The following CADM2 variants were observed in gnomAD, a reference collection of about 807,000 sequenced individuals.
CADM2 encodes the protein cell adhesion molecule 2.
In CADM2, 12 loss-of-function variants were observed where a neutral mutation model predicts 49.8. That is an observed-to-expected ratio of 0.24 (90% confidence interval 0.15 to 0.39). The LOEUF (loss-of-function observed/expected upper bound fraction) is 0.39. Among genes scored for constraint, CADM2 ranks in the 10% least tolerant of loss-of-function variants. The pLI is 1.00. For missense variants in CADM2, 378 were observed against 492.3 expected (o/e 0.77, Z 2.20); for synonymous variants, 214 against 175.4 (o/e 1.22, Z -1.74).
chr3:84,973,717 G>A (rs914358835), intron 1 of CADM2, among the ~76,000 whole-genome samples: 1 of 139,102 alleles, frequency 7.2e-6, no homozygotes, highest in African/African-American at 2.6e-5. Flanking sequence ...CATTCAAAGA[G>A]CCGCTGATGC....
intron 3 of CADM2, among the ~76,000 whole-genome samples, chr3:85,852,674 CAAAGA>C (rs1174173648): frequency 6.6e-6 from 1 of 151,896 alleles, no homozygotes; most frequent in African/African-American, 2.4e-5. Context: ...AGGTTAAAGC[CAAAGA>C]AAAGAGACAT....
chr3:85,189,683 A>G (rs1326123161), intron 1 of CADM2, among the ~76,000 whole-genome samples: 2 of 152,152 alleles, frequency 1.3e-5, no homozygotes, highest in African/African-American at 2.4e-5. Flanking sequence ...AACTTTTCTT[A>G]TTTGATAATT....
chr3:85,528,588 A>G (rs1016695897), intron 1 of CADM2, among the ~76,000 whole-genome samples: 5 of 152,234 alleles, frequency 3.3e-5, no homozygotes, highest in African/African-American at 4.8e-5. Context: ...AGCTACACTG[A>G]TAAGTCTGGC....
intron 1 of CADM2, among the ~76,000 whole-genome samples, chr3:85,403,031 T>C (rs928341866): frequency 6.6e-6 from 1 of 152,138 alleles, no homozygotes; most frequent in Non-Finnish European, 1.5e-5. Flanking sequence ...ACCTGAAAGG[T>C]TAGGGTGAAG....
intron 1 of CADM2, among the ~76,000 whole-genome samples, chr3:85,019,999 GT>G (rs2034425936): frequency 2.0e-5 from 3 of 152,072 alleles, no homozygotes; most frequent in African/African-American, 7.2e-5. Context: ...AAAGATATAT[GT>G]TTTATCTTCA....
intron 2 of CADM2, among the ~76,000 whole-genome samples, chr3:85,738,365 A>AT (rs1278948012): frequency 6.6e-6 from 1 of 152,272 alleles, no homozygotes; most frequent in Admixed American, 6.5e-5. Flanking sequence ...TGCATGAAAT[A>AT]TTTTTTCCTT....
At chr3:85,175,919 CTTTTTTTTT>C (rs11329456) in intron 1 of CADM2, among the ~76,000 whole-genome samples, 10 of 76,266 alleles carry the variant, frequency 1.3e-4, no homozygotes, top group African/African-American at 5.5e-4. Flanking sequence ...ATGTCCTAAT[CTTTTTTTTT>C]TTTTTTTTTT....
chr3:84,971,603 T>C (rs549313051), intron 1 of CADM2, among the ~76,000 whole-genome samples: 3 of 150,128 alleles, frequency 2.0e-5, no homozygotes, highest in Admixed American at 1.3e-4. Context: ...CACTAATTTA[T>C]TTTAAACTTT....
At chr3:86,002,770 T>C (rs1730340350) in intron 8 of CADM2, among the ~76,000 whole-genome samples, 1 of 152,148 alleles carries the variant, frequency 6.6e-6, no homozygotes, top group Non-Finnish European at 1.5e-5. Context: ...AAATTGTGTT[T>C]CAGTGGTTTT....
chr3:84,986,128 A>G (rs9834688), intron 1 of CADM2, among the ~76,000 whole-genome samples: 77,106 of 152,078 alleles, frequency 0.51, 19,812 homozygotes, highest in Admixed American at 0.59. Context: ...TTGAAATGAA[A>G]GCTAATAAAT....
intron 1 of CADM2, among the ~76,000 whole-genome samples, chr3:85,394,100 T>A (rs1188194683): frequency 6.6e-6 from 1 of 152,160 alleles, no homozygotes; most frequent in African/African-American, 2.4e-5. Context: ...TGGCCTGAAA[T>A]AGTTACTTTT....
At position 85,013,873 on chromosome 3, in the gene CADM2, ATAAT is replaced by A. The variant is rs1019579021; in HGVS notation, c.61+54214_61+54217del. On this transcript the variant is annotated intron_variant, in intron 1 of 9. Coordinates refer to ENST00000383699, the MANE Select transcript of CADM2 (RefSeq NM_001167675.2). ...ACTGAGGACAATATTAATATTAATTATAATTAATTAATATTAATATATTATTGTA... is the reference window on the plus strand; with the variant it reads ...ACTGAGGACAATATTAATATTAATTATAATTAATATTAATATATTATTGTA... 4.1e-5 allele frequency among the ~76,000 whole-genome samples: 6 copies of A among 147,364 alleles called. No homozygotes were observed. The South Asian group carries it at 6.3e-4, about 15-fold the overall frequency.
chr3:85,692,710 G>C (rs2066422720), intron 1 of CADM2, among the ~76,000 whole-genome samples: 1 of 152,012 alleles, frequency 6.6e-6, no homozygotes, highest in Non-Finnish European at 1.5e-5. Flanking sequence ...CTTACTCCCT[G>C]GTTACTCATC....
intron 1 of CADM2, among the ~76,000 whole-genome samples, chr3:85,072,781 G>A (rs2036805979): frequency 6.6e-6 from 1 of 151,940 alleles, no homozygotes; most frequent in Non-Finnish European, 1.5e-5. Flanking sequence ...ATTATTGACA[G>A]TTTACTTAGA....
intron 1 of CADM2, among the ~76,000 whole-genome samples, chr3:85,404,580 AT>A (rs1417788220): frequency 3.3e-5 from 5 of 152,130 alleles, no homozygotes; most frequent in East Asian, 1.9e-4. Context: ...TTCAGGAAAA[AT>A]AATCAATCTA....
chr3:85,556,495 G>A (rs556540384), intron 1 of CADM2, among the ~76,000 whole-genome samples: 46 of 152,216 alleles, frequency 3.0e-4, no homozygotes, highest in African/African-American at 8.9e-4. Context: ...GTTTACCTTA[G>A]ATAATGTCTT....
In CADM2 at chr3:85,607,642, C is replaced by T. The variant is rs149173109; in HGVS notation, c.62-118880C>T. Among the ~76,000 whole-genome samples the T allele has an allele frequency of 2.1e-3, 316 of 151,954 alleles. 3 individuals carry two copies. The highest frequency in any genetic ancestry group is 7.4e-3 in the African/African-American group (305 of 41,464). On this transcript the variant is annotated intron_variant, in intron 1 of 9. Coordinates refer to ENST00000383699, the MANE Select transcript of CADM2 (RefSeq NM_001167675.2). ...TATACCCCATAAATATATACACCTGCGTATTCAAAATAATTATTTTTTTTT... is the reference window on the plus strand; with the variant it reads ...TATACCCCATAAATATATACACCTGTGTATTCAAAATAATTATTTTTTTTT...
chr3:85,739,324 T>G (rs2068282129), intron 2 of CADM2, among the ~76,000 whole-genome samples: 1 of 152,094 alleles, frequency 6.6e-6, no homozygotes, highest in Non-Finnish European at 1.5e-5. Flanking sequence ...GTCTGAACAT[T>G]AAGTTTTAGA....
intron 1 of CADM2, among the ~76,000 whole-genome samples, chr3:84,992,717 G>A (rs932669557): frequency 2.6e-5 from 4 of 152,066 alleles, no homozygotes; most frequent in African/African-American, 7.2e-5. Context: ...ACCTCAAATC[G>A]TATTATAAAG....
Sources: allele counts gnomAD v4.1 joint callset (sites outside exome capture counted in the v4.1 genomes callset), GRCh38; gene constraint gnomAD v4.1.1; transcripts MANE v1.5; gene names NCBI Gene and HGNC (gene_info 2026-07-23, HGNC 2026-07-21).